The following VPS13B variants were observed in gnomAD, a reference collection of about 807,000 sequenced individuals.
The protein encoded by VPS13B is intermembrane lipid transfer protein VPS13B.
A neutral mutation model predicts 426.4 loss-of-function variants in VPS13B; 285 were observed. The ratio of observed to expected loss-of-function variants is 0.67; its 90% CI spans 0.61 to 0.74. The LOEUF (loss-of-function observed/expected upper bound fraction) is 0.74. Among genes scored for constraint, VPS13B ranks in the 30% least tolerant of loss-of-function variants. VPS13B has a pLI of 0.00. For missense variants in VPS13B, 4,537 were observed against 4,782.6 expected (o/e 0.95, Z 1.51); for synonymous variants, 1,676 against 1,676.4 (o/e 1.00, Z 0.01).
intron 22 of VPS13B, among the ~76,000 whole-genome samples, chr8:99,437,593 C>A (rs1341015130): frequency 1.3e-5 from 2 of 152,008 alleles, no homozygotes; most frequent in Non-Finnish European, 2.9e-5. Context: ...TGGTGCCCAC[C>A]TGTAGTCCCA....
intron 19 of VPS13B, among the ~76,000 whole-genome samples, chr8:99,286,594 C>T (rs941602596): frequency 1.3e-5 from 2 of 152,108 alleles, no homozygotes; most frequent in African/African-American, 4.8e-5. Flanking sequence ...GCATTGCTAT[C>T]AGTTATCTAT....
At chr8:99,239,314 T>C (rs1816795889) in intron 17 of VPS13B, among the ~76,000 whole-genome samples, 1 of 152,170 alleles carries the variant, frequency 6.6e-6, no homozygotes, top group Non-Finnish European at 1.5e-5. Context: ...AAGTGTTACT[T>C]ATTGAATGCA....
chr8:99,733,673 A>G (rs1833692108), intron 39 of VPS13B, among the ~76,000 whole-genome samples: 1 of 152,166 alleles, frequency 6.6e-6, no homozygotes, highest in African/African-American at 2.4e-5. Flanking sequence ...TCCTTTCCAT[A>G]AAGATATTGG....
At chr8:99,765,057 C>A (rs1313171042) in intron 39 of VPS13B, among the ~76,000 whole-genome samples, 1 of 152,060 alleles carries the variant, frequency 6.6e-6, no homozygotes, top group Non-Finnish European at 1.5e-5. Flanking sequence ...ACCAGCCTGG[C>A]CAACATGGCG....
chr8:99,482,644 G>A (rs1297315550), intron 25 of VPS13B, among the ~76,000 whole-genome samples: 1 of 152,118 alleles, frequency 6.6e-6, no homozygotes, highest in African/African-American at 2.4e-5. Flanking sequence ...TCTTGGTAAA[G>A]TTTCAAACAC....
At chr8:99,829,903 G>T (rs1374357206) in intron 51 of VPS13B, among the ~76,000 whole-genome samples, 1 of 152,176 alleles carries the variant, frequency 6.6e-6, no homozygotes, top group Non-Finnish European at 1.5e-5. Flanking sequence ...CCCAGACCCT[G>T]TTTGCCTGGA....
At chr8:99,559,313 G>A (rs949162453) in intron 31 of VPS13B, among the ~76,000 whole-genome samples, 2 of 152,160 alleles carry the variant, frequency 1.3e-5, no homozygotes, top group Non-Finnish European at 2.9e-5. Flanking sequence ...TTAGCCCTTT[G>A]TCAGATAGAT....
chr8:99,778,768 C>T lies in VPS13B; in HGVS notation c.7516C>T (p.His2506Tyr). 1 of 1,613,972 alleles carries T rather than the reference C, an allele frequency of 6.2e-7. No individual in the cohort carries two copies. The highest frequency in any genetic ancestry group is 1.1e-5 in the South Asian group (1 of 91,078). Reference protein sequence around the residue: ...EYMIVSFREPHMYLRQWNNGS... With the variant: ...EYMIVSFREPYMYLRQWNNGS... ...CATGATTGTTTCCTTCAGAGAACCA[C>T]ACATGTATCTTCGACAGTGGAATAA... The change falls in exon 42 of 62, where the codon CAC becomes TAC. Residue 2506 changes from histidine to tyrosine, a missense_variant. Physicochemically the swap from His to Tyr is moderately conservative, Grantham distance 83 (BLOSUM62 2). Transcript: ENST00000357162.
intron 23 of VPS13B, among the ~76,000 whole-genome samples, chr8:99,452,984 AG>A (rs1818272894): frequency 6.6e-6 from 1 of 152,134 alleles, no homozygotes. Context: ...TGCCTAAGAG[AG>A]GTTTGTTTTT....
At position 99,067,593 on chromosome 8, in the gene VPS13B, G is replaced by C. The variant is rs140277423; in HGVS notation, c.292-28719G>C. Among the ~76,000 whole-genome samples, 726 of 152,284 alleles carry C rather than the reference G, an allele frequency of 4.8e-3. 4 individuals carry two copies. Among genetic ancestry groups the C allele is most frequent in the African/African-American group, 0.016 (679 of 41,560 alleles). ...AACAACATGGCACATGTATACCTAC[G>C]TAACAAAACTGCACGTTGTGCACAT... On this transcript the variant is annotated intron_variant, in intron 3 of 61. Transcript: ENST00000357162.
intron 3 of VPS13B, among the ~76,000 whole-genome samples, chr8:99,095,846 A>G (rs1846385810): frequency 6.6e-6 from 1 of 152,130 alleles, no homozygotes; most frequent in South Asian, 2.1e-4. Context: ...TGTTTAGGAG[A>G]GGATTATAAG....
Position 99,776,890 on chromosome 8 carries a change from T to G in VPS13B, c.7363T>G (p.Cys2455Gly), listed in dbSNP as rs1186385639. The change falls in exon 41 of 62, where the codon TGC (cysteine) becomes GGC (glycine). Residue 2455 changes from cysteine to glycine, a missense_variant. Physicochemically the swap from Cys to Gly is radical, Grantham distance 159 (BLOSUM62 -3). Transcript: ENST00000357162. ...TACCCCATGGTTTGTCCCATCCCTT[T>G]GCGTTTCTTTCCAGTTTGCTCACCT... ...CFTPWFVPSLCVSFQFAHLEF... is the reference protein window; with the variant it reads ...CFTPWFVPSLGVSFQFAHLEF... The G allele has an allele frequency of 6.2e-7, 1 of 1,613,970 alleles. No homozygotes were observed. The highest frequency in any genetic ancestry group is 1.3e-5 in the African/African-American group (1 of 74,936).
chr8:99,185,298 G>C (rs1244975993), intron 16 of VPS13B, among the ~76,000 whole-genome samples: 4 of 152,170 alleles, frequency 2.6e-5, no homozygotes, highest in Non-Finnish European at 4.4e-5. Flanking sequence ...GTTACCTGTA[G>C]AGTGTGGAGT....
chr8:99,673,636 C>G (rs989772197), intron 35 of VPS13B, among the ~76,000 whole-genome samples: 3 of 151,788 alleles, frequency 2.0e-5, no homozygotes, highest in African/African-American at 7.2e-5. Flanking sequence ...TTCCCTCCTT[C>G]TACTAATTTG....
At chr8:99,428,675 T>C (rs1435962415) in intron 21 of VPS13B, among the ~76,000 whole-genome samples, 1 of 152,148 alleles carries the variant, frequency 6.6e-6, no homozygotes, top group Non-Finnish European at 1.5e-5. Context: ...ACTTTTACAC[T>C]GTTGGTGGGA....
chr8:99,697,734 A>G (rs1456085975), intron 35 of VPS13B: 33 of 627,388 alleles, frequency 5.3e-5, no homozygotes, highest in Non-Finnish European at 9.1e-5. Context: ...GGCCTGGCCT[A>G]GGGCGCGCCC....
In VPS13B at chr8:99,437,395, CTT is replaced by C. The variant is rs535013184; in HGVS notation, c.3211-4998_3211-4997del. On this transcript the variant is annotated intron_variant, in intron 22 of 61. Coordinates refer to ENST00000357162, the MANE Select transcript of VPS13B (RefSeq NM_152564.5). ...AATATTCCATGTAGTCTTGGACAGT[CTT>C]TTTTTTTAAAAAAAAATATATATAT... is the stretch of plus-strand genomic sequence containing the variant. Among the ~76,000 whole-genome samples the C allele has an allele frequency of 6.0e-3, 901 of 149,084 alleles. 13 individuals carry two copies. The highest frequency in any genetic ancestry group is 0.021 in the African/African-American group (857 of 40,014).
At chr8:99,068,017 A>G (rs1844636163) in intron 3 of VPS13B, among the ~76,000 whole-genome samples, 1 of 152,152 alleles carries the variant, frequency 6.6e-6, no homozygotes, top group Non-Finnish European at 1.5e-5. Flanking sequence ...TATGTTTGGA[A>G]TATGCTATTT....
intron 39 of VPS13B, among the ~76,000 whole-genome samples, chr8:99,740,242 A>T (rs916545296): frequency 2.2e-4 from 33 of 152,216 alleles, no homozygotes; most frequent in African/African-American, 8.0e-4. Flanking sequence ...GATCAAATGA[A>T]TGAAATGAAG....
Sources: allele counts gnomAD v4.1 joint callset (sites outside exome capture counted in the v4.1 genomes callset), GRCh38; gene constraint gnomAD v4.1.1; transcripts MANE v1.5; gene names NCBI Gene and HGNC (gene_info 2026-07-23, HGNC 2026-07-21).